ATE1: variants seen among roughly 807,000 people sequenced by gnomAD.
ATE1 encodes the protein arginyltransferase 1.
A neutral mutation model predicts 70.5 loss-of-function variants in ATE1; 36 were observed. The ratio of observed to expected loss-of-function variants is 0.51; its 90% CI spans 0.39 to 0.67. ATE1 has a LOEUF of 0.67. ATE1 is among the 30% of genes least tolerant of loss of function. The probability of loss-of-function intolerance (pLI) is 0.00; values close to 1 mark genes in which losing one functional copy is unlikely to be tolerated. For synonymous variants in ATE1, 232 were observed against 219.3 expected (o/e 1.06, Z -0.51); for missense variants, 593 against 629.5 (o/e 0.94, Z 0.62).
At chr10:121,881,192 G>GT (rs1361788133) in intron 7 of ATE1, among the ~76,000 whole-genome samples, 4 of 152,072 alleles carry the variant, frequency 2.6e-5, no homozygotes, top group African/African-American at 4.8e-5. Context: ...CTCTCCAGCT[G>GT]TTTTTTTAAA....
chr10:121,806,516 G>T, intron 10 of ATE1, among the ~76,000 whole-genome samples: 1 of 152,098 alleles, frequency 6.6e-6, no homozygotes, highest in Non-Finnish European at 1.5e-5. Context: ...CAGGATTGAG[G>T]GGGGGAAAGA....
rs150860078 is a variant in ATE1, at chr10:121,841,099, G to A, written c.1140C>T (p.Gly380=). 474 of 1,563,946 alleles carry A rather than the reference G, an allele frequency of 3.0e-4. No homozygotes were observed. The highest frequency in any genetic ancestry group is 2.2e-3 in the African/African-American group (159 of 73,690). ...AATCTTACCGTAGTGCAGAGTAGAC[G>A]CCCAAAGACAAAAACGAATAATCAG... ...YDPDYSFLSL[G]VYSALREIAF... The change falls in exon 9 of 12, where the codon GGC becomes GGT. Residue 380 remains glycine (G), a synonymous_variant. Coordinates refer to ENST00000224652, the MANE Select transcript of ATE1 (RefSeq NM_001001976.3).
At chr10:121,809,435 T>C (rs983699671) in intron 10 of ATE1, among the ~76,000 whole-genome samples, 7 of 152,162 alleles carry the variant, frequency 4.6e-5, no homozygotes, top group Non-Finnish European at 1.0e-4. Flanking sequence ...TTACATATAC[T>C]ACCCATTTCA....
chr10:121,869,909 G>C, intron 8 of ATE1, 97 bp downstream of exon 8: 2 of 1,154,320 alleles, frequency 1.7e-6, no homozygotes, highest in Admixed American at 1.9e-5. Context: ...CCACCAAAAT[G>C]AGCACTCCTA....
intron 11 of ATE1, among the ~76,000 whole-genome samples, chr10:121,759,853 G>GATGAAACAGTCTTCTAC (rs1480590535): frequency 5.9e-5 from 9 of 152,118 alleles, no homozygotes; most frequent in Non-Finnish European, 1.3e-4. Context: ...TTTCAATGCA[G>GATGAAACAGTCTTCTAC]ATGAAACAGT....
intron 10 of ATE1, among the ~76,000 whole-genome samples, chr10:121,814,169 A>G (rs1045730276): frequency 9.8e-5 from 15 of 152,340 alleles, no homozygotes; most frequent in African/African-American, 3.1e-4. Flanking sequence ...ACACCTCTCA[A>G]TTGACTAAAT....
chr10:121,794,975 CG>C (rs1946606078), intron 10 of ATE1, among the ~76,000 whole-genome samples: 1 of 152,130 alleles, frequency 6.6e-6, no homozygotes, highest in Admixed American at 6.5e-5. Flanking sequence ...CGGCTGGGGG[CG>C]GTAGTTCATG....
chr10:121,888,400 T>C (rs1950474851), intron 7 of ATE1, among the ~76,000 whole-genome samples: 1 of 151,844 alleles, frequency 6.6e-6, no homozygotes, highest in Admixed American at 6.6e-5. Context: ...TCTCAAAAAA[T>C]AAATGAATAA....
At position 121,836,715 on chromosome 10, in the gene ATE1, T is replaced by C. The variant is rs764326376; in HGVS notation, c.1257+3A>G. The C allele has an allele frequency of 4.0e-6, 6 of 1,484,310 alleles. No individual in the cohort carries two copies. In the African/African-American group the frequency reaches 7.2e-5, roughly 18 times the overall value. 91.9% of individuals were successfully genotyped at this position (1,484,310 alleles called of 1,614,324 possible). On this transcript the variant is annotated splice_donor_region_variant and intron_variant, in intron 10 of 11. Coordinates refer to ENST00000224652, the MANE Select transcript of ATE1 (RefSeq NM_001001976.3). ...AATACACATATGTGAAAATCAACTT[T>C]ACCTTATATTTCATCTTGGGACATG...
intron 10 of ATE1, among the ~76,000 whole-genome samples, chr10:121,826,695 C>T (rs1336423618): frequency 1.3e-5 from 2 of 152,174 alleles, no homozygotes; most frequent in East Asian, 1.9e-4. Context: ...TGAGGTTTGG[C>T]GTACAAATGA....
chr10:121,766,350 C>G (rs960215103), intron 11 of ATE1, among the ~76,000 whole-genome samples: 2 of 152,130 alleles, frequency 1.3e-5, no homozygotes, highest in African/African-American at 4.8e-5. Flanking sequence ...GGGCCTTCCA[C>G]TCCAGGAAGA....
chr10:121,910,972 C>G lies in ATE1; in HGVS notation c.517G>C (p.Val173Leu). ...TCACCAGAGCCCAACTTCTCTCCTA[C>G]GAAATCTTGTGACTGAAGTAATTCC... is the stretch of plus-strand genomic sequence containing the variant. ...PQELLQSQDF[V>L]GEKLGSGEPS... Residue 173 changes from valine (V) to leucine (L), a missense_variant, in exon 5 of 12, where the codon GTA becomes CTA. Val to Leu is a conservative substitution (Grantham distance 32). Around this residue, in one of 3 missense-constraint regions of ATE1, gnomAD observed 467 missense variants for 469.6 expected, o/e 0.99. Coordinates refer to ENST00000224652, the MANE Select transcript of ATE1 (RefSeq NM_001001976.3). 2 of 1,614,042 alleles carry G rather than the reference C, an allele frequency of 1.2e-6. No homozygotes were observed. Among genetic ancestry groups the G allele is most frequent in the Non-Finnish European group, 1.7e-6 (2 of 1,180,022 alleles).
chr10:121,898,752 G>A, intron 7 of ATE1: 1 of 1,471,002 alleles, frequency 6.8e-7, no homozygotes, highest in Non-Finnish European at 9.2e-7. Flanking sequence ...CACTGAAAGG[G>A]TCATCAGCTC....
intron 7 of ATE1, among the ~76,000 whole-genome samples, chr10:121,884,973 GCT>G (rs1950336585): frequency 6.6e-6 from 1 of 151,992 alleles, no homozygotes; most frequent in Non-Finnish European, 1.5e-5. Flanking sequence ...TAAAAAATGT[GCT>G]TTAGGCCAGG....
chr10:121,779,680 T>G (rs927837517), intron 11 of ATE1, among the ~76,000 whole-genome samples: 14 of 152,142 alleles, frequency 9.2e-5, no homozygotes, highest in Non-Finnish European at 1.9e-4. Context: ...TCCCTCAGCT[T>G]CTGAAAATGC....
At chr10:121,848,506 T>G (rs938528264) in intron 8 of ATE1, among the ~76,000 whole-genome samples, 2 of 150,532 alleles carry the variant, frequency 1.3e-5, no homozygotes, top group Middle Eastern at 3.4e-3. Context: ...TAATCCCAGC[T>G]ATTCAGGAGG....
intron 2 of ATE1, 131 bp from the exon 3 acceptor site, chr10:121,922,542 C>T (rs1951923710): frequency 1.6e-6 from 1 of 621,214 alleles, no homozygotes; most frequent in African/African-American, 1.9e-5. Flanking sequence ...GGTTTAATTA[C>T]TCTTCATAAG....
chr10:121,897,350 G>A (rs1457309851), intron 7 of ATE1, among the ~76,000 whole-genome samples: 1 of 152,178 alleles, frequency 6.6e-6, no homozygotes, highest in South Asian at 2.1e-4. Context: ...CAGAGCACTA[G>A]GAAGGAGGAA....
intron 7 of ATE1, among the ~76,000 whole-genome samples, chr10:121,884,527 C>T (rs1453736240): frequency 6.6e-6 from 1 of 151,928 alleles, no homozygotes. Flanking sequence ...GAGTTCAAGG[C>T]TGCCGTGAGC....
Sources: gnomAD v4.1 joint callset for allele counts (sites outside exome capture counted in the v4.1 genomes callset) on GRCh38, gnomAD v4.1.1 for gene constraint, gnomAD v4.1.1 regional missense constraint, MANE v1.5 for transcripts, NCBI Gene and HGNC (gene_info 2026-07-23, HGNC 2026-07-21) for gene names.